The following HYCC1 variants were observed in gnomAD, a reference collection of about 807,000 sequenced individuals.
HYCC1 encodes the protein hyccin PI4KA lipid kinase complex subunit 1, also known as hyccin.
the HYCC1 span, chr7:22,937,411 G>A: frequency 6.6e-6 from 1 of 152,134 alleles, no homozygotes; most frequent in East Asian, 1.9e-4. Flanking sequence ...CTACAGGAGT[G>A]AATAATAAAT....
At chr7:22,930,218 G>A in the HYCC1 span, among the ~76,000 whole-genome samples, 1 of 149,738 alleles carries the variant, frequency 6.7e-6, no homozygotes, top group Non-Finnish European at 1.5e-5. Flanking sequence ...GGGAGGGATA[G>A]CCTTAGGAGA....
chr7:22,926,918 A>G, the HYCC1 span, among the ~76,000 whole-genome samples: 3 of 151,824 alleles, frequency 2.0e-5, no homozygotes, highest in Admixed American at 2.0e-4. Context: ...TCCAAAATTG[A>G]CCACATAGTT....
chr7:22,922,303 C>A, the HYCC1 span, among the ~76,000 whole-genome samples: 955 of 152,274 alleles, frequency 6.3e-3, 13 homozygotes, highest in African/African-American at 0.022. Context: ...CAAGATCCAA[C>A]CACAGATGCT....
At chr7:22,901,078 A>C in the HYCC1 span, among the ~76,000 whole-genome samples, 16 of 151,720 alleles carry the variant, frequency 1.1e-4, no homozygotes, top group African/African-American at 3.6e-4. Context: ...AAAGTTACCC[A>C]GGTGTGGTGG....
the HYCC1 span, among the ~76,000 whole-genome samples, chr7:23,003,910 T>C: frequency 6.6e-6 from 1 of 152,160 alleles, no homozygotes; most frequent in African/African-American, 2.4e-5. Flanking sequence ...TGTACAAAAT[T>C]CTATTTGATT....
the HYCC1 span, chr7:22,945,944 T>G: frequency 6.2e-7 from 1 of 1,613,764 alleles, no homozygotes; most frequent in African/African-American, 1.3e-5. Flanking sequence ...TCGAGCAAAG[T>G]GATCTTTGCA....
the HYCC1 span, among the ~76,000 whole-genome samples, chr7:22,915,798 G>T: frequency 2.6e-5 from 4 of 152,104 alleles, no homozygotes; most frequent in Non-Finnish European, 5.9e-5. Context: ...CCCAACTCTG[G>T]TGCCAACTTG....
chr7:22,918,612 G>T, the HYCC1 span, among the ~76,000 whole-genome samples: 1 of 152,160 alleles, frequency 6.6e-6, no homozygotes, highest in Non-Finnish European at 1.5e-5. Flanking sequence ...AGCAAATGAA[G>T]AATCACTAAA....
chr7:22,954,495 T>C, the HYCC1 span, among the ~76,000 whole-genome samples: 3 of 151,484 alleles, frequency 2.0e-5, no homozygotes, highest in South Asian at 6.2e-4. Flanking sequence ...TAAATCTCTT[T>C]GAACTCTGTT....
At chr7:22,900,830 G>GA in the HYCC1 span, among the ~76,000 whole-genome samples, 1 of 152,006 alleles carries the variant, frequency 6.6e-6, no homozygotes, top group South Asian at 2.1e-4. Flanking sequence ...AGAGTGAGTA[G>GA]AAAAAAGCAA....
the HYCC1 span, among the ~76,000 whole-genome samples, chr7:22,984,704 AG>A: frequency 6.6e-6 from 1 of 152,212 alleles, no homozygotes; most frequent in Non-Finnish European, 1.5e-5. Context: ...CCTGGGTAAC[AG>A]AATGAGACAG....
At chr7:22,957,166 G>A in the HYCC1 span, among the ~76,000 whole-genome samples, 3 of 151,794 alleles carry the variant, frequency 2.0e-5, no homozygotes, top group Non-Finnish European at 4.4e-5. Flanking sequence ...TAATAAAAGA[G>A]AATAAATATC....
chr7:22,965,065 T>C, the HYCC1 span, among the ~76,000 whole-genome samples: 1 of 146,954 alleles, frequency 6.8e-6, no homozygotes, highest in African/African-American at 2.5e-5. Flanking sequence ...ACCTGGGAGG[T>C]GGAGGTTGCA....
At chr7:22,989,763 T>C in the HYCC1 span, among the ~76,000 whole-genome samples, 1 of 152,104 alleles carries the variant, frequency 6.6e-6, no homozygotes, top group African/African-American at 2.4e-5. Flanking sequence ...CTATAAAAGC[T>C]GAGAAAGTAA....
chr7:22,972,032 T>A, the HYCC1 span, among the ~76,000 whole-genome samples: 4 of 152,212 alleles, frequency 2.6e-5, no homozygotes, highest in Middle Eastern at 3.2e-3. Flanking sequence ...AATGACCTTA[T>A]ATCAGATATG....
chr7:22,924,101 C>T, the HYCC1 span, among the ~76,000 whole-genome samples: 4 of 149,850 alleles, frequency 2.7e-5, no homozygotes, highest in East Asian at 3.9e-4. Context: ...ATTGCTTGAA[C>T]CCAGGGGGTG....
the HYCC1 span, chr7:22,991,186 T>A: frequency 8.1e-7 from 1 of 1,234,056 alleles, no homozygotes; most frequent in Non-Finnish European, 1.2e-6. Flanking sequence ...TATATTTTAT[T>A]TAGTCAGATT....
the HYCC1 span, among the ~76,000 whole-genome samples, chr7:22,924,939 C>T: frequency 1.6e-4 from 25 of 152,192 alleles, no homozygotes; most frequent in African/African-American, 3.9e-4. Flanking sequence ...CCCCAGTAGG[C>T]GGGGACTGAC....
the HYCC1 span, among the ~76,000 whole-genome samples, chr7:23,013,056 T>C: frequency 2.6e-5 from 4 of 152,282 alleles, no homozygotes; most frequent in African/African-American, 9.6e-5. Context: ...TGTGCAGTAC[T>C]AAACCACTTA....
Sources: gnomAD v4.1 joint callset for allele counts (sites outside exome capture counted in the v4.1 genomes callset) on GRCh38, gnomAD v4.1.1 for gene constraint, MANE v1.5 for transcripts, NCBI Gene and HGNC (gene_info 2026-07-23, HGNC 2026-07-21) for gene names.